Variants in NALF1 observed in about 807,000 individuals in gnomAD.
NALF1 encodes family with sequence similarity 155 member A.
Under a neutral mutation model 48.4 loss-of-function variants are expected in NALF1, and 3 were observed. The ratio of observed to expected loss-of-function variants is 0.06; its 90% CI spans 0.03 to 0.16. The LOEUF is 0.16. NALF1 is among the 10% of genes least tolerant of loss of function. NALF1 has a pLI of 1.00. For synonymous variants in NALF1, 262 were observed against 245.7 expected (o/e 1.07, Z -0.62); for missense variants, 526 against 571.5 (o/e 0.92, Z 0.81).
chr13:107,816,962 T>C (rs1879185574), intron 1 of NALF1, among the ~76,000 whole-genome samples: 1 of 152,186 alleles, frequency 6.6e-6, no homozygotes, highest in South Asian at 2.1e-4. Flanking sequence ...TTTTTATACA[T>C]ATGGATTTTG....
At chr13:107,318,227 C>G (rs1285147220) in intron 1 of NALF1, among the ~76,000 whole-genome samples, 1 of 152,094 alleles carries the variant, frequency 6.6e-6, no homozygotes, top group East Asian at 1.9e-4. Context: ...AAGTAAATAT[C>G]ATTCAAAATA....
chr13:107,771,320 A>G (rs1341905886), intron 1 of NALF1, among the ~76,000 whole-genome samples: 2 of 151,976 alleles, frequency 1.3e-5, no homozygotes, highest in Non-Finnish European at 2.9e-5. Flanking sequence ...AATTGAAAAT[A>G]TAAATAAATT....
chr13:107,801,930 TC>T (rs1283502862), intron 1 of NALF1, among the ~76,000 whole-genome samples: 2 of 152,174 alleles, frequency 1.3e-5, no homozygotes, highest in African/African-American at 2.4e-5. Context: ...CGGTCTAAAT[TC>T]TATGACTGTC....
At chr13:107,435,095 T>A (rs1884442621) in intron 1 of NALF1, among the ~76,000 whole-genome samples, 1 of 151,522 alleles carries the variant, frequency 6.6e-6, no homozygotes, top group Non-Finnish European at 1.5e-5. Flanking sequence ...GATTTGGGGG[T>A]GGGGGGTAGT....
intron 1 of NALF1, among the ~76,000 whole-genome samples, chr13:107,612,661 C>CT (rs1276178023): frequency 2.6e-5 from 4 of 152,102 alleles, no homozygotes; most frequent in Admixed American, 1.3e-4. Context: ...TCCTTCCTGA[C>CT]TTTTAAACAC....
intron 1 of NALF1, among the ~76,000 whole-genome samples, chr13:107,823,370 T>G (rs941015917): frequency 2.6e-5 from 4 of 152,178 alleles, no homozygotes; most frequent in Non-Finnish European, 5.9e-5. Flanking sequence ...CCATTTTACC[T>G]GCCAGGAGCC....
intron 1 of NALF1, among the ~76,000 whole-genome samples, chr13:107,363,126 G>T (rs1226269135): frequency 6.6e-6 from 1 of 152,138 alleles, no homozygotes; most frequent in Non-Finnish European, 1.5e-5. Context: ...TATTTCATTT[G>T]TTCATTTCTA....
At chr13:107,749,198 G>C (rs1876866623) in intron 1 of NALF1, among the ~76,000 whole-genome samples, 1 of 151,516 alleles carries the variant, frequency 6.6e-6, no homozygotes, top group Admixed American at 6.6e-5. Context: ...TTAAAACGCT[G>C]AGAAACCTTT....
At chr13:107,712,931 A>G (rs1875647610) in intron 1 of NALF1, among the ~76,000 whole-genome samples, 1 of 152,218 alleles carries the variant, frequency 6.6e-6, no homozygotes, top group South Asian at 2.1e-4. Context: ...CTGAGGGTCC[A>G]CCAGGTTTCC....
intron 1 of NALF1, among the ~76,000 whole-genome samples, chr13:107,364,950 C>A: frequency 1.0e-5 from 1 of 95,344 alleles, no homozygotes; most frequent in East Asian, 4.3e-4. Context: ...ACTCCCCCTC[C>A]TCATTTTCTC....
At chr13:107,259,983 G>T (rs879408390) in intron 1 of NALF1, among the ~76,000 whole-genome samples, 6 of 152,282 alleles carry the variant, frequency 3.9e-5, no homozygotes, top group Non-Finnish European at 8.8e-5. Context: ...ACTCAATAAA[G>T]ATTTTCTTCA....
intron 1 of NALF1, among the ~76,000 whole-genome samples, chr13:107,713,079 C>G (rs1037666027): frequency 6.6e-6 from 1 of 152,152 alleles, no homozygotes; most frequent in Non-Finnish European, 1.5e-5. Context: ...CCTTCCTGAC[C>G]CACATCCACA....
At chr13:107,294,867 T>C (rs1278463668) in intron 1 of NALF1, among the ~76,000 whole-genome samples, 9 of 152,326 alleles carry the variant, frequency 5.9e-5, no homozygotes, top group Non-Finnish European at 1.2e-4. Flanking sequence ...AGGATGAAAA[T>C]GAGACCATGT....
At chr13:107,382,352 A>G (rs1289972265) in intron 1 of NALF1, among the ~76,000 whole-genome samples, 1 of 152,212 alleles carries the variant, frequency 6.6e-6, no homozygotes, top group East Asian at 1.9e-4. Flanking sequence ...TTGGCTAAAT[A>G]TTCTCATTAA....
At chr13:107,312,998 C>T (rs1037186838) in intron 1 of NALF1, among the ~76,000 whole-genome samples, 2 of 152,154 alleles carry the variant, frequency 1.3e-5, no homozygotes, top group African/African-American at 4.8e-5. Flanking sequence ...GTCAACATGA[C>T]ATAAACACGA....
At chr13:107,525,334 T>G (rs949189860) in intron 1 of NALF1, among the ~76,000 whole-genome samples, 27 of 152,138 alleles carry the variant, frequency 1.8e-4, no homozygotes, top group Admixed American at 1.4e-3. Context: ...AGTTTTGTCT[T>G]TTCCCAAATG....
chr13:107,416,157 C>A (rs957990906), intron 1 of NALF1, among the ~76,000 whole-genome samples: 2 of 149,448 alleles, frequency 1.3e-5, no homozygotes, highest in African/African-American at 5.0e-5. Context: ...CAGGCACCCA[C>A]CACCATGCCC....
chr13:107,238,073 G>A (rs1358077269), intron 1 of NALF1, among the ~76,000 whole-genome samples: 2 of 152,158 alleles, frequency 1.3e-5, no homozygotes, highest in East Asian at 1.9e-4. Context: ...TCTATAAAAT[G>A]TACAAGCTAA....
At chr13:107,860,918 C>T (rs1880552952) in intron 1 of NALF1, among the ~76,000 whole-genome samples, 1 of 152,176 alleles carries the variant, frequency 6.6e-6, no homozygotes, top group Non-Finnish European at 1.5e-5. Context: ...ACACTAACTT[C>T]ATCTAATAAA....
Sources: allele counts gnomAD v4.1 joint callset (sites outside exome capture counted in the v4.1 genomes callset), GRCh38; gene constraint gnomAD v4.1.1; transcripts MANE v1.5; gene names NCBI Gene and HGNC (gene_info 2026-07-23, HGNC 2026-07-21).